Variants in MRTFB observed in about 807,000 individuals in gnomAD.
MRTFB encodes myocardin-related transcription factor B.
In MRTFB, 29 loss-of-function variants were observed where a neutral mutation model predicts 104.2. The observed-to-expected ratio is 0.28, with a 90% CI of 0.21 to 0.38. The LOEUF (loss-of-function observed/expected upper bound fraction) is 0.38, where lower values mean the gene tolerates loss of function less well. Ranked by LOEUF, MRTFB falls within the 10% of genes least tolerant of loss-of-function variation. MRTFB has a pLI of 1.00. For missense variants in MRTFB, 1,270 were observed against 1,341.6 expected, an observed-to-expected ratio of 0.95 and a Z score of 0.83; for synonymous variants, 535 against 519.5, an observed-to-expected ratio of 1.03 and a Z score of -0.41.
the MRTFB span, among the ~76,000 whole-genome samples, chr16:14,065,781 G>A: frequency 6.6e-6 from 1 of 151,966 alleles, no homozygotes; most frequent in Non-Finnish European, 1.5e-5. Context: ...TTAAGGCTCT[G>A]GTCCACCCTG....
At chr16:14,117,930 C>T (rs2036626325) in intron 2 of MRTFB, among the ~76,000 whole-genome samples, 1 of 152,074 alleles carries the variant, frequency 6.6e-6, no homozygotes, top group African/African-American at 2.4e-5. Context: ...TATGTTACTT[C>T]ATGCTTTAAA....
intron 10 of MRTFB, among the ~76,000 whole-genome samples, chr16:14,242,744 C>G (rs2042829080): frequency 6.6e-6 from 1 of 152,160 alleles, no homozygotes; most frequent in African/African-American, 2.4e-5. Flanking sequence ...CAACCTCTCT[C>G]TTTTTTCTCC....
chr16:14,158,349 G>A (rs1470087847), intron 3 of MRTFB, among the ~76,000 whole-genome samples: 2 of 152,198 alleles, frequency 1.3e-5, no homozygotes, highest in African/African-American at 2.4e-5. Context: ...TCTGCCAGTA[G>A]TGAGAGGATG....
intron 1 of MRTFB, among the ~76,000 whole-genome samples, chr16:14,071,792 C>T (rs1481056710): frequency 1.3e-5 from 2 of 152,168 alleles, no homozygotes; most frequent in African/African-American, 4.8e-5. Flanking sequence ...GGGACCGGGA[C>T]CCCTGCGCCC....
rs57360069 is a variant in MRTFB, at chr16:14,161,085, C to CTTTTTTTTT, written c.154+20343_154+20351dup. On this transcript the variant is annotated intron_variant, in intron 3 of 16. Coordinates refer to ENST00000571589, the MANE Select transcript of MRTFB (RefSeq NM_001308142.2). ...TCTGTTTTAGTAGGTAATGCCAGGA[C>CTTTTTTTTT]TTTTTTTTTTTTTTTTTTTTTTTTT... Among the ~76,000 whole-genome samples, 25 of 53,126 alleles carry CTTTTTTTTT rather than the reference C, an allele frequency of 4.7e-4. 6 individuals are homozygous for CTTTTTTTTT. The highest frequency in any genetic ancestry group is 1.6e-3 in the African/African-American group (16 of 10,288). 34.9% of individuals were successfully genotyped at this position (53,126 alleles called of 152,430 possible). A position where few individuals can be genotyped will look rare whatever the true frequency, so the allele number is the denominator to read the frequency against.
chr16:14,257,733 C>G (rs879262460), intron 15 of MRTFB, among the ~76,000 whole-genome samples: 2 of 152,124 alleles, frequency 1.3e-5, no homozygotes, highest in Non-Finnish European at 2.9e-5. Flanking sequence ...TCAGGTAAAT[C>G]TCAATAGAAC....
chr16:14,222,106 A>AATCCTTGTAAAGTACAAGTGGT (rs1172139495), intron 8 of MRTFB, among the ~76,000 whole-genome samples: 1 of 152,134 alleles, frequency 6.6e-6, no homozygotes, highest in Non-Finnish European at 1.5e-5. Context: ...CATGTGGACT[A>AATCCTTGTAAAGTACAAGTGGT]ATCCTTGTAA....
At chr16:14,020,602 C>G in the MRTFB span, 5 of 152,302 alleles carry the variant, frequency 3.3e-5, 1 homozygote, top group African/African-American at 9.6e-5. Flanking sequence ...AAAGAAGGAG[C>G]CACCCCCAAG....
At chr16:14,256,841 C>G (rs2043516083) in intron 15 of MRTFB, among the ~76,000 whole-genome samples, 1 of 152,186 alleles carries the variant, frequency 6.6e-6, no homozygotes, top group Non-Finnish European at 1.5e-5. Context: ...AAGAGGCATA[C>G]TTTAAATACA....
chr16:14,237,066 G>A (rs185844952), intron 9 of MRTFB, among the ~76,000 whole-genome samples: 63 of 152,346 alleles, frequency 4.1e-4, no homozygotes, highest in African/African-American at 1.4e-3. Context: ...CCTGGAGTGT[G>A]AGGTGCTGTG....
chr16:14,169,126 T>G (rs1368011859), intron 3 of MRTFB, among the ~76,000 whole-genome samples: 1 of 152,208 alleles, frequency 6.6e-6, no homozygotes, highest in Non-Finnish European at 1.5e-5. Context: ...CATTAATATT[T>G]TAACATGCTT....
At chr16:14,162,169 A>T (rs1461735449) in intron 3 of MRTFB, among the ~76,000 whole-genome samples, 35 of 151,428 alleles carry the variant, frequency 2.3e-4, no homozygotes, top group African/African-American at 8.3e-4. Context: ...AAAAAAAAAA[A>T]AAAAATTATT....
intron 2 of MRTFB, among the ~76,000 whole-genome samples, chr16:14,106,031 C>T (rs532367005): frequency 8.5e-5 from 13 of 152,220 alleles, no homozygotes; most frequent in African/African-American, 2.9e-4. Context: ...ATAGATGTTG[C>T]AAACTAAGTC....
chr16:14,047,824 A>G, the MRTFB span, among the ~76,000 whole-genome samples: 1 of 152,150 alleles, frequency 6.6e-6, no homozygotes, highest in Non-Finnish European at 1.5e-5. Flanking sequence ...TCGGGTGGGG[A>G]CACAGCCAAA....
the MRTFB span, among the ~76,000 whole-genome samples, chr16:14,043,570 A>G: frequency 1.3e-5 from 2 of 152,228 alleles, no homozygotes; most frequent in Non-Finnish European, 2.9e-5. Flanking sequence ...GCTATTCCCA[A>G]ACCTCAAGAA....
At chr16:14,242,924 T>C (rs931350613) in intron 10 of MRTFB, among the ~76,000 whole-genome samples, 1 of 151,574 alleles carries the variant, frequency 6.6e-6, no homozygotes, top group Non-Finnish European at 1.5e-5. Flanking sequence ...GTAATACCAC[T>C]CACAAGGAAG....
intron 2 of MRTFB, among the ~76,000 whole-genome samples, chr16:14,093,206 A>G (rs2035180706): frequency 6.6e-6 from 1 of 151,742 alleles, no homozygotes; most frequent in South Asian, 2.1e-4. Context: ...GCACAGTTGT[A>G]TTTATATAAA....
At chr16:14,191,870 C>G (rs2040199597) in intron 3 of MRTFB, 1 of 152,120 alleles carries the variant, frequency 6.6e-6, no homozygotes, top group African/African-American at 2.4e-5. Context: ...TCTGCCACTT[C>G]AGGCTGCTCT....
Position 14,246,593 on chromosome 16 carries a change from G to T in MRTFB, c.1333G>T (p.Gly445Cys), listed in dbSNP as rs200962145. 562 of 1,613,920 alleles carry T rather than the reference G, an allele frequency of 3.5e-4. 1 individual carries two copies. Among genetic ancestry groups the T allele is most frequent in the Non-Finnish European group, 4.6e-4 (543 of 1,180,020 alleles). ...GAACAGCAGCGGCCTTGCTGCTGGG[G>T]GCATCGTGGCAGTGTCATCATCAGC... ...EVNSSGLAAGGIVAVSSSAIV... is the reference protein window; with the variant it reads ...EVNSSGLAAGCIVAVSSSAIV... Residue 445 changes from glycine (G) to cysteine (C), a missense_variant, in exon 12 of 17, where the codon GGC (glycine) becomes TGC (cysteine). Coordinates refer to ENST00000571589, the MANE Select transcript of MRTFB (RefSeq NM_001308142.2).
Sources: gnomAD v4.1 joint callset for allele counts (sites outside exome capture counted in the v4.1 genomes callset) on GRCh38, gnomAD v4.1.1 for gene constraint, MANE v1.5 for transcripts, NCBI Gene and HGNC (gene_info 2026-07-23, HGNC 2026-07-21) for gene names.